The following CHST11 variants were observed in gnomAD, a reference collection of about 807,000 sequenced individuals.
CHST11 encodes C4S-1.
Under a neutral mutation model 30.4 loss-of-function variants are expected in CHST11, and 9 were observed. The ratio of observed to expected loss-of-function variants is 0.30; its 90% CI spans 0.18 to 0.52. The LOEUF (loss-of-function observed/expected upper bound fraction) is 0.52. CHST11 is among the 20% of genes least tolerant of loss of function. CHST11 has a pLI of 0.97. For synonymous variants in CHST11, 152 were observed against 187.8 expected (o/e 0.81, Z 1.56); for missense variants, 348 against 460.6 (o/e 0.76, Z 2.24).
chr12:104,657,256 G>A (rs192242657), intron 2 of CHST11, among the ~76,000 whole-genome samples: 36 of 152,344 alleles, frequency 2.4e-4, no homozygotes, highest in Admixed American at 1.3e-3. Flanking sequence ...AACAAAAAGA[G>A]TAAACCTTAA....
intron 2 of CHST11, among the ~76,000 whole-genome samples, chr12:104,739,404 C>T (rs974774938): frequency 6.6e-6 from 1 of 152,222 alleles, no homozygotes; most frequent in Non-Finnish European, 1.5e-5. Flanking sequence ...ACCAGGCATA[C>T]AGTCAGCTAT....
chr12:104,508,638 T>C (rs759149228), intron 1 of CHST11, among the ~76,000 whole-genome samples: 1 of 152,192 alleles, frequency 6.6e-6, no homozygotes, highest in Non-Finnish European at 1.5e-5. Flanking sequence ...TTGACCATTT[T>C]CCATAAGCCT....
chr12:104,566,820 CCTTT>C (rs1273069180), intron 1 of CHST11, among the ~76,000 whole-genome samples: 2 of 152,090 alleles, frequency 1.3e-5, no homozygotes, highest in Non-Finnish European at 2.9e-5. Context: ...GATCCCAGCA[CCTTT>C]CTCTGTGCTG....
intron 2 of CHST11, among the ~76,000 whole-genome samples, chr12:104,740,244 A>C (rs924627218): frequency 1.2e-4 from 19 of 152,252 alleles, no homozygotes; most frequent in Admixed American, 5.2e-4. Context: ...TGGGTCACTC[A>C]CTTCTTTTTA....
intron 1 of CHST11, among the ~76,000 whole-genome samples, chr12:104,516,928 TC>T (rs922874747): frequency 6.6e-6 from 1 of 152,200 alleles, no homozygotes; most frequent in African/African-American, 2.4e-5. Flanking sequence ...AGCAAAATGT[TC>T]CTGTTTGTTC....
chr12:104,646,472 C>A (rs1395437273), intron 2 of CHST11, among the ~76,000 whole-genome samples: 2 of 152,044 alleles, frequency 1.3e-5, no homozygotes, highest in Non-Finnish European at 2.9e-5. Context: ...AGTGGCTCAC[C>A]CCTGTAATCC....
At chr12:104,612,524 C>A (rs2039069849) in intron 2 of CHST11, among the ~76,000 whole-genome samples, 1 of 152,190 alleles carries the variant, frequency 6.6e-6, no homozygotes, top group Non-Finnish European at 1.5e-5. Flanking sequence ...TCTGTAATGA[C>A]CCTATTTCCA....
At chr12:104,512,901 A>G (rs1389656374) in intron 1 of CHST11, among the ~76,000 whole-genome samples, 2 of 152,134 alleles carry the variant, frequency 1.3e-5, no homozygotes, top group Non-Finnish European at 2.9e-5. Context: ...AGCATATCTC[A>G]GATGTTTTCT....
chr12:104,670,049 G>C (rs2136094368), intron 2 of CHST11, among the ~76,000 whole-genome samples: 1 of 152,362 alleles, frequency 6.6e-6, no homozygotes, highest in African/African-American at 2.4e-5. Flanking sequence ...CTTTCCTAAA[G>C]CTTCACCTAA....
In CHST11 at chr12:104,761,566, A is replaced by G. The variant is rs1387345820; in HGVS notation, c.*3763A>G. 1 of 152,372 alleles carries G rather than the reference A, an allele frequency of 6.6e-6. No homozygotes were observed. Among genetic ancestry groups the G allele is most frequent in the Non-Finnish European group, 1.5e-5 (1 of 68,696 alleles). 9.4% of individuals were successfully genotyped at this position (152,372 alleles called of 1,614,324 possible). A position where few individuals can be genotyped will look rare whatever the true frequency, so the allele number is the denominator to read the frequency against. On this transcript the variant is annotated 3_prime_UTR_variant, in exon 3 of 3. Coordinates refer to ENST00000303694, the MANE Select transcript of CHST11 (RefSeq NM_018413.6). ...TCCCTTCCTTGCCCACCTCTATGTCAGCAGGACTGACCACATCACTCCCCC... is the reference window on the plus strand; with the variant it reads ...TCCCTTCCTTGCCCACCTCTATGTCGGCAGGACTGACCACATCACTCCCCC...
intron 2 of CHST11, among the ~76,000 whole-genome samples, chr12:104,637,303 A>G (rs201687786): frequency 8.1e-4 from 3 of 3,724 alleles, no homozygotes; most frequent in Admixed American, 1.8e-3. Flanking sequence ...GAGACCCTGT[A>G]AAAAAAAAAA....
chr12:104,714,933 CCGAAGCAAGCTGGGG>C (rs2040118250), intron 2 of CHST11, among the ~76,000 whole-genome samples: 1 of 152,182 alleles, frequency 6.6e-6, no homozygotes, highest in Admixed American at 6.5e-5. Context: ...CGATCCAGAC[CCGAAGCAAGCTGGGG>C]TAGCTGACCT....
chr12:104,552,777 G>A (rs1227332341), intron 1 of CHST11: 1 of 152,128 alleles, frequency 6.6e-6, no homozygotes, highest in Non-Finnish European at 1.5e-5. Context: ...ATTTCTCTCT[G>A]TCTCTATGAG....
At chr12:104,579,808 A>G in intron 1 of CHST11, among the ~76,000 whole-genome samples, 1 of 152,214 alleles carries the variant, frequency 6.6e-6, no homozygotes, top group South Asian at 2.1e-4. Flanking sequence ...AATTTGAATA[A>G]CTGTTTAAGC....
chr12:104,587,623 C>T (rs1315765828), intron 1 of CHST11, among the ~76,000 whole-genome samples: 3 of 152,172 alleles, frequency 2.0e-5, no homozygotes, highest in Non-Finnish European at 4.4e-5. Context: ...GTCTCGAACA[C>T]CTGGGCTCAA....
chr12:104,584,261 C>CT (rs34673490), intron 1 of CHST11, among the ~76,000 whole-genome samples: 74,395 of 136,596 alleles, frequency 0.54, 21,438 homozygotes, highest in African/African-American at 0.73. Context: ...TCTCTTTCTT[C>CT]TTTTTTTTTT....
chr12:104,564,346 G>C (rs2038540896), intron 1 of CHST11, among the ~76,000 whole-genome samples: 1 of 152,196 alleles, frequency 6.6e-6, no homozygotes, highest in Non-Finnish European at 1.5e-5. Flanking sequence ...AGGCACATGT[G>C]GAATAAATCT....
At chr12:104,645,512 A>G (rs2136078049) in intron 2 of CHST11, among the ~76,000 whole-genome samples, 1 of 152,152 alleles carries the variant, frequency 6.6e-6, no homozygotes, top group South Asian at 2.1e-4. Context: ...AGCAACCTGC[A>G]GGTGGGGGTG....
intron 1 of CHST11, among the ~76,000 whole-genome samples, chr12:104,569,754 T>G (rs776061732): frequency 1.3e-5 from 2 of 152,176 alleles, no homozygotes; most frequent in Non-Finnish European, 2.9e-5. Flanking sequence ...GTCCTGCTAT[T>G]GAAGGTGATG....
Sources: gnomAD v4.1 joint callset for allele counts (sites outside exome capture counted in the v4.1 genomes callset) on GRCh38, gnomAD v4.1.1 for gene constraint, MANE v1.5 for transcripts, NCBI Gene and HGNC (gene_info 2026-07-23, HGNC 2026-07-21) for gene names.